TBX20: variants seen among roughly 807,000 people sequenced by gnomAD.
TBX20 encodes the protein T-box transcription factor 20, also known as T-box transcription factor TBX20.
TBX20 carries 8 observed loss-of-function variants against 42.9 expected under a neutral mutation model. The observed-to-expected ratio is 0.19, with a 90% CI of 0.11 to 0.34. The LOEUF is 0.34. Ranked by LOEUF, TBX20 falls within the 10% of genes least tolerant of loss-of-function variation. TBX20 has a pLI of 1.00. For missense variants in TBX20, 411 were observed against 566.0 expected, an observed-to-expected ratio of 0.73 and a Z score of 2.78; for synonymous variants, 198 against 222.8, an observed-to-expected ratio of 0.89 and a Z score of 0.99.
chr7:35,233,248 C>A (rs577145455), intron 5 of TBX20, among the ~76,000 whole-genome samples: 62 of 152,130 alleles, frequency 4.1e-4, no homozygotes, highest in Middle Eastern at 3.2e-3. Flanking sequence ...ACATACTAAC[C>A]CAGCCAGAAA....
intron 6 of TBX20, among the ~76,000 whole-genome samples, chr7:35,211,199 C>T (rs576280982): frequency 9.2e-5 from 14 of 152,076 alleles, no homozygotes; most frequent in African/African-American, 3.4e-4. Context: ...TCTTGTCAAA[C>T]ATTTTATTTT....
intron 6 of TBX20, among the ~76,000 whole-genome samples, chr7:35,214,987 T>C (rs1482923161): frequency 6.6e-6 from 1 of 152,188 alleles, no homozygotes; most frequent in Non-Finnish European, 1.5e-5. Flanking sequence ...GCACTTAATT[T>C]GTTTTTTAAA....
At chr7:35,253,260 G>A (rs1790339870) in intron 1 of TBX20, among the ~76,000 whole-genome samples, 1 of 152,176 alleles carries the variant, frequency 6.6e-6, no homozygotes, top group African/African-American at 2.4e-5. Context: ...CTGATATATG[G>A]ATTCTAGACA....
chr7:35,242,072 G>C (rs11976145), intron 4 of TBX20, among the ~76,000 whole-genome samples: 60,555 of 151,864 alleles, frequency 0.4, 12,242 homozygotes, highest in Admixed American at 0.47. Flanking sequence ...CCTGGCAGGA[G>C]CAATGGCACT....
chr7:35,205,064 C>T (rs571758576), intron 6 of TBX20, among the ~76,000 whole-genome samples: 3 of 152,154 alleles, frequency 2.0e-5, no homozygotes, highest in South Asian at 2.1e-4. Context: ...CATTAGTCAG[C>T]GAAAGACTCT....
At position 35,250,142 on chromosome 7, in the gene TBX20, A is replaced by G; in HGVS notation, c.189T>C (p.Ala63=). The G allele has an allele frequency of 6.2e-7, 1 of 1,614,040 alleles. No homozygotes were observed. Among genetic ancestry groups the G allele is most frequent in the Non-Finnish European group, 8.5e-7 (1 of 1,179,992 alleles). The change falls in exon 2 of 8, where the codon GCT becomes GCC. Residue 63 remains alanine (A), a synonymous_variant. Transcript: ENST00000408931. ...QPLGELTSLD[A]HGEFGGGSGS... is the part of the protein sequence containing the mutation. ...CACTGCCTCCACCAAACTCCCCATG[A>G]GCATCCAGGCTGGTCAGCTCACCCA...
rs541804441 is a variant in TBX20, at chr7:35,229,807, C to T, written c.890+1697G>A. ...AGATGAAGAACTTGTAATTATTTTACATTTTTAGATTTATAAAATGCTGTC... is the reference window on the plus strand; with the variant it reads ...AGATGAAGAACTTGTAATTATTTTATATTTTTAGATTTATAAAATGCTGTC... On this transcript the variant is annotated intron_variant, in intron 6 of 7. Coordinates refer to ENST00000408931, the MANE Select transcript of TBX20 (RefSeq NM_001077653.2). 1.6e-4 allele frequency among the ~76,000 whole-genome samples: 24 copies of T among 152,224 alleles called. No homozygotes were observed. The East Asian group carries it at 4.1e-3, about 26-fold the overall frequency.
intron 6 of TBX20, 36 bp downstream of exon 6, chr7:35,231,468 A>T (rs1419787528): frequency 6.8e-7 from 1 of 1,476,086 alleles, no homozygotes; most frequent in Non-Finnish European, 9.5e-7. Context: ...TCTTGATCTT[A>T]TCTGAACAAG....
intron 6 of TBX20, among the ~76,000 whole-genome samples, chr7:35,223,279 G>C (rs1789714362): frequency 6.6e-6 from 1 of 152,230 alleles, no homozygotes; most frequent in African/African-American, 2.4e-5. Flanking sequence ...TTACAGGTGT[G>C]TGAATTCTGA....
intron 6 of TBX20, among the ~76,000 whole-genome samples, chr7:35,216,099 C>T (rs1420077354): frequency 1.3e-5 from 2 of 152,114 alleles, no homozygotes; most frequent in African/African-American, 4.8e-5. Flanking sequence ...TCCACTACTA[C>T]GCTGCTGGCC....
In TBX20 at chr7:35,253,751, G is replaced by A. The variant is rs1323956812; in HGVS notation, c.-131C>T. On this transcript the variant is annotated 5_prime_UTR_variant, in exon 1 of 8. Coordinates refer to ENST00000408931, the MANE Select transcript of TBX20 (RefSeq NM_001077653.2). Reference sequence around the variant, plus strand: ...AGTCACAGCGGGGCCAGGGACTCCAGAAGTGTCAGCTCCAACGACTCCAGA... The same window carrying A: ...AGTCACAGCGGGGCCAGGGACTCCAAAAGTGTCAGCTCCAACGACTCCAGA... 2.5e-6 allele frequency: 3 copies of A among 1,211,428 alleles called. No homozygotes were observed. The highest frequency in any genetic ancestry group is 1.5e-5 in the South Asian group (1 of 68,210). The allele number at this position is 1,211,428 out of a possible 1,614,324, so 75.0% of individuals were successfully genotyped here.
intron 6 of TBX20, among the ~76,000 whole-genome samples, chr7:35,207,054 A>C (rs1305052024): frequency 6.6e-6 from 1 of 152,178 alleles, no homozygotes; most frequent in Admixed American, 6.5e-5. Context: ...GAAATGACTA[A>C]ATTGCATATA....
chr7:35,223,151 G>T (rs1277745439), intron 6 of TBX20, among the ~76,000 whole-genome samples: 2 of 152,132 alleles, frequency 1.3e-5, no homozygotes, highest in Non-Finnish European at 2.9e-5. Flanking sequence ...AGAAAAAGAA[G>T]AGTCAAAGAT....
intron 6 of TBX20, among the ~76,000 whole-genome samples, chr7:35,228,513 G>A (rs762790242): frequency 3.3e-5 from 5 of 151,526 alleles, no homozygotes. Flanking sequence ...CTGATTTTTT[G>A]GCAATGCACA....
intron 5 of TBX20, among the ~76,000 whole-genome samples, chr7:35,238,684 T>G (rs1370629405): frequency 6.6e-6 from 1 of 152,246 alleles, no homozygotes; most frequent in African/African-American, 2.4e-5. Flanking sequence ...TGTTCCAGAT[T>G]CGCAGAGAAA....
chr7:35,229,641 G>A (rs1443045917), intron 6 of TBX20, among the ~76,000 whole-genome samples: 1 of 152,162 alleles, frequency 6.6e-6, no homozygotes, highest in East Asian at 1.9e-4. Context: ...CCGTTGTAAA[G>A]AGCAGTCAGA....
At chr7:35,239,665 T>C (rs761599191) in intron 5 of TBX20, among the ~76,000 whole-genome samples, 8 of 152,240 alleles carry the variant, frequency 5.3e-5, no homozygotes, top group Non-Finnish European at 8.8e-5. Context: ...TATCAGTACA[T>C]GGCCCTTAGT....
At chr7:35,214,092 T>A (rs998570259) in intron 6 of TBX20, among the ~76,000 whole-genome samples, 1 of 152,140 alleles carries the variant, frequency 6.6e-6, no homozygotes, top group Admixed American at 6.5e-5. Flanking sequence ...TTGAATTCCC[T>A]AAAATAGTGT....
At chr7:35,204,758 C>T (rs1789372308) in intron 6 of TBX20, among the ~76,000 whole-genome samples, 176 bp from the exon 7 acceptor site, 1 of 152,174 alleles carries the variant, frequency 6.6e-6, no homozygotes, top group African/African-American at 2.4e-5. Flanking sequence ...AGTGACTCCT[C>T]AGAGACATGA....
Sources: gnomAD v4.1 joint callset for allele counts (sites outside exome capture counted in the v4.1 genomes callset) on GRCh38, gnomAD v4.1.1 for gene constraint, MANE v1.5 for transcripts, NCBI Gene and HGNC (gene_info 2026-07-23, HGNC 2026-07-21) for gene names.